ABCG1: variants seen among roughly 807,000 people sequenced by gnomAD.
ABCG1 encodes ATP-binding cassette sub-family G member 1.
In ABCG1, 29 loss-of-function variants were observed where a neutral mutation model predicts 69.2. That is an observed-to-expected ratio of 0.42 (90% confidence interval 0.31 to 0.57). ABCG1 has a LOEUF of 0.57. Among genes scored for constraint, ABCG1 ranks in the 20% least tolerant of loss-of-function variants. The pLI, the probability that ABCG1 is intolerant of heterozygous loss-of-function variation, is 0.15. For synonymous variants in ABCG1, 370 were observed against 374.8 expected (o/e 0.99, Z 0.15); for missense variants, 718 against 898.1 (o/e 0.80, Z 2.56).
intron 2 of ABCG1, among the ~76,000 whole-genome samples, chr21:42,207,718 C>T (rs556231304): frequency 6.6e-6 from 1 of 152,344 alleles, no homozygotes; most frequent in African/African-American, 2.4e-5. Context: ...AAGAGGGGCT[C>T]CTCATTACCA....
intron 2 of ABCG1, among the ~76,000 whole-genome samples, chr21:42,237,026 C>T (rs1323115945): frequency 6.6e-6 from 1 of 152,312 alleles, no homozygotes; most frequent in African/African-American, 2.4e-5. Flanking sequence ...AGGAGGCCAT[C>T]CAGCCTTGTG....
At chr21:42,284,431 C>T (rs1034541904) in intron 6 of ABCG1, 129 bp from the exon 7 acceptor site, 42 of 1,156,984 alleles carry the variant, frequency 3.6e-5, no homozygotes, top group Middle Eastern at 2.6e-4. Flanking sequence ...CGGCCTGGGA[C>T]GGGGCAGCTG....
intron 2 of ABCG1, among the ~76,000 whole-genome samples, chr21:42,266,309 T>TAAATAAAATAAAATAAAATA (rs59850533): frequency 4.0e-5 from 6 of 150,708 alleles, no homozygotes; most frequent in African/African-American, 1.5e-4. Flanking sequence ...TCAAAATAAA[T>TAAATAAAATAAAATAAAATA]AAATAAAATA....
chr21:42,292,718 C>G (rs1000818869), intron 13 of ABCG1, among the ~76,000 whole-genome samples: 1 of 148,956 alleles, frequency 6.7e-6, no homozygotes, highest in East Asian at 2.0e-4. Flanking sequence ...ACACTACACA[C>G]TACACACCAC....
At chr21:42,210,038 G>A (rs1385597324) in intron 2 of ABCG1, among the ~76,000 whole-genome samples, 4 of 150,848 alleles carry the variant, frequency 2.7e-5, no homozygotes, top group Non-Finnish European at 4.4e-5. Context: ...GCTGATGAAA[G>A]GGCTTTGTCA....
chr21:42,250,809 T>C (rs922389002), intron 2 of ABCG1, among the ~76,000 whole-genome samples: 5 of 152,160 alleles, frequency 3.3e-5, no homozygotes, highest in Admixed American at 1.3e-4. Flanking sequence ...TGGCATGCTG[T>C]GCTGCTGGCA....
intron 2 of ABCG1, among the ~76,000 whole-genome samples, chr21:42,249,352 G>T (rs930134343): frequency 7.2e-5 from 11 of 152,134 alleles, no homozygotes; most frequent in Admixed American, 2.0e-4. Context: ...TGCACAGAAA[G>T]TAAGTGTCAT....
At position 42,276,629 on chromosome 21, in the gene ABCG1, C is replaced by G. The variant is rs2068715071; in HGVS notation, c.538-266C>G. 6.7e-6 allele frequency: 3 copies of G among 446,790 alleles called. No homozygotes were observed. The highest frequency in any genetic ancestry group is 1.2e-5 in the Non-Finnish European group (3 of 249,200). The allele number at this position is 446,790 out of a possible 1,614,324, so 27.7% of individuals were successfully genotyped here. A position where few individuals can be genotyped will look rare whatever the true frequency, so the allele number is the denominator to read the frequency against. On this transcript the variant is annotated intron_variant, in intron 4 of 14. Coordinates refer to ENST00000398449, the MANE Select transcript of ABCG1 (RefSeq NM_016818.3). This position sits in a 1 kb window ranked among gnomAD's most constrained non-coding sequence, Gnocchi z 5.3. Reference sequence around the variant, plus strand: ...TGGCTAGTGGCACCGTGGCTAGCTGCATGGTGGCTAGTTGCACCGTGGCTA... The same window carrying G: ...TGGCTAGTGGCACCGTGGCTAGCTGGATGGTGGCTAGTTGCACCGTGGCTA...
chr21:42,228,195 G>A (rs2067847810), intron 2 of ABCG1, among the ~76,000 whole-genome samples: 1 of 152,204 alleles, frequency 6.6e-6, no homozygotes, highest in Admixed American at 6.5e-5. Context: ...CCACCAGATA[G>A]AGACTTGCCC....
intron 2 of ABCG1, among the ~76,000 whole-genome samples, chr21:42,234,079 C>A (rs1349779635): frequency 6.6e-6 from 1 of 151,868 alleles, no homozygotes; most frequent in Non-Finnish European, 1.5e-5. Context: ...CTGAGCAAAT[C>A]GTGTTTGCTT....
At position 42,291,227 on chromosome 21, in the gene ABCG1, G is replaced by A. The variant is rs1236028819; in HGVS notation, c.1494+35G>A. The A allele has an allele frequency of 1.3e-6, 2 of 1,528,282 alleles. No homozygotes were observed. The highest frequency in any genetic ancestry group is 1.1e-5 in the South Asian group (1 of 88,504). The allele number at this position is 1,528,282 out of a possible 1,614,324, so 94.7% of individuals were successfully genotyped here. A position where few individuals can be genotyped will look rare whatever the true frequency, so the allele number is the denominator to read the frequency against. On this transcript the variant is annotated intron_variant, in intron 12 of 14. Coordinates refer to ENST00000398449, the MANE Select transcript of ABCG1 (RefSeq NM_016818.3). This position sits in a 1 kb window ranked among gnomAD's most constrained non-coding sequence, Gnocchi z 6.4. ...CCAGGGGCTGGAATTTGAAACGGGG[G>A]CAAGAGTTCTCCTGTACACCCTTTA...
intron 2 of ABCG1, among the ~76,000 whole-genome samples, chr21:42,203,793 C>A (rs2067523820): frequency 6.6e-6 from 1 of 152,162 alleles, no homozygotes; most frequent in Non-Finnish European, 1.5e-5. Context: ...GAAAATTTTG[C>A]TGGGATTTTA....
At chr21:42,207,004 T>C (rs2067548676) in intron 2 of ABCG1, 1 of 152,190 alleles carries the variant, frequency 6.6e-6, no homozygotes. Flanking sequence ...ATTGTTTCTC[T>C]CTCATTCCCT....
rs1377081248 is a variant in ABCG1, at chr21:42,260,230, G to A, written c.287-10840G>A. ...GATGCTCACTTCAACCCTGCAGGTGGCATTGGGCGGCAAGCATTTCTAGGA... is the reference window on the plus strand; with the variant it reads ...GATGCTCACTTCAACCCTGCAGGTGACATTGGGCGGCAAGCATTTCTAGGA... On this transcript the variant is annotated intron_variant, in intron 2 of 14. Transcript: ENST00000398449. 10 of 1,532,886 alleles carry A rather than the reference G, an allele frequency of 6.5e-6. No individual in the cohort carries two copies. In the African/African-American group the frequency reaches 1.2e-4, roughly 19 times the overall value. The allele number at this position is 1,532,886 out of a possible 1,614,324, so 95.0% of individuals were successfully genotyped here. A position where few individuals can be genotyped will look rare whatever the true frequency, so the allele number is the denominator to read the frequency against.
intron 2 of ABCG1, among the ~76,000 whole-genome samples, chr21:42,258,264 C>G (rs772548326): frequency 6.6e-6 from 1 of 151,906 alleles, no homozygotes; most frequent in African/African-American, 2.4e-5. Context: ...TAATTCTTCC[C>G]TCCACCCATC....
intron 2 of ABCG1, among the ~76,000 whole-genome samples, chr21:42,260,540 A>G (rs2123687521): frequency 6.6e-6 from 1 of 152,276 alleles, no homozygotes; most frequent in South Asian, 2.1e-4. Context: ...GAAGGGCCCC[A>G]ACTCCCCAGT....
intron 7 of ABCG1, 95 bp downstream of exon 7, chr21:42,284,778 CTCGTGGGGCG>C: frequency 6.7e-7 from 1 of 1,494,990 alleles, no homozygotes; most frequent in Non-Finnish European, 9.0e-7. Context: ...CTTCTGTTAG[CTCGTGGGGCG>C]TCTTCATGAC....
Position 42,287,962 on chromosome 21 carries a change from T to C in ABCG1, c.1047T>C (p.Cys349=), listed in dbSNP as rs568658909. The C allele has an allele frequency of 3.1e-6, 5 of 1,613,774 alleles. No homozygotes were observed. In the South Asian group the frequency reaches 5.5e-5, roughly 18 times the overall value. Residue 349 remains cysteine (C), a synonymous_variant, in exon 9 of 15, where the codon TGT becomes TGC. Coordinates refer to ENST00000398449, the MANE Select transcript of ABCG1 (RefSeq NM_016818.3). This position sits in a 1 kb window ranked among gnomAD's most constrained non-coding sequence, Gnocchi z 6.2. ...TGAGAGCGGTTCGGGAGGGCATGTG[T>C]GACTCAGACCACAAGAGAGACCTCG... ...RLVRAVREGM[C]DSDHKRDLGG... is the part of the protein sequence containing the mutation.
chr21:42,232,222 T>A (rs184816453), intron 2 of ABCG1, among the ~76,000 whole-genome samples: 2 of 152,372 alleles, frequency 1.3e-5, no homozygotes, highest in East Asian at 3.9e-4. Context: ...TTAGCCGCCA[T>A]GTGCAAGACC....
Sources: allele counts gnomAD v4.1 joint callset (sites outside exome capture counted in the v4.1 genomes callset), GRCh38; gene constraint gnomAD v4.1.1; non-coding constraint Gnocchi (gnomAD v3.1); transcripts MANE v1.5; gene names NCBI Gene and HGNC (gene_info 2026-07-23, HGNC 2026-07-21).